Variants in IL1R1 observed in about 807,000 individuals in gnomAD.
IL1R1 encodes the protein interleukin 1 receptor type 1.
In IL1R1, 22 loss-of-function variants were observed where a neutral mutation model predicts 50.2. The observed-to-expected ratio is 0.44, with a 90% CI of 0.31 to 0.63. The LOEUF (loss-of-function observed/expected upper bound fraction) is 0.63. IL1R1 is among the 20% of genes least tolerant of loss of function. IL1R1 has a pLI of 0.07. For synonymous variants in IL1R1, 251 were observed against 236.7 expected, an observed-to-expected ratio of 1.06 and a Z score of -0.55; for missense variants, 509 against 676.2, an observed-to-expected ratio of 0.75 and a Z score of 2.74.
chr2:102,120,794 G>A (rs6736803), intron 1 of IL1R1, among the ~76,000 whole-genome samples: 60,223 of 152,050 alleles, frequency 0.4, 12,706 homozygotes, highest in East Asian at 0.46. Context: ...GGATTTGTTG[G>A]ATTTGTTCCT....
At chr2:102,168,134 T>C (rs1228929581) in intron 6 of IL1R1, among the ~76,000 whole-genome samples, 1 of 152,236 alleles carries the variant, frequency 6.6e-6, no homozygotes, top group Non-Finnish European at 1.5e-5. Context: ...TTTTTGCCTA[T>C]TTTAATAAAT....
At position 102,150,789 on chromosome 2, in the gene IL1R1, C is replaced by T. The variant is rs373971896; in HGVS notation, c.-83-3152C>T. Among the ~76,000 whole-genome samples, 8 of 152,260 alleles carry T rather than the reference C, an allele frequency of 5.3e-5. No homozygotes were observed. The South Asian group carries it at 6.2e-4, about 12-fold the overall frequency. ...TGGACATCAGCATCTCAGCACTGCC[C>T]GCTGTCTTTCCTGGAAGCTGCTATG... On this transcript the variant is annotated intron_variant, in intron 1 of 11. Transcript: ENST00000410023.
At chr2:102,173,439 A>T (rs374924779) in intron 9 of IL1R1, among the ~76,000 whole-genome samples, 1 of 152,220 alleles carries the variant, frequency 6.6e-6, no homozygotes, top group Non-Finnish European at 1.5e-5. Flanking sequence ...ATTAACTTCT[A>T]TGTATGTTTA....
chr2:102,092,619 CG>C lies in IL1R1; in HGVS notation c.-84+22087del, dbSNP rs1211478851. 3.3e-5 allele frequency among the ~76,000 whole-genome samples: 5 copies of C among 152,112 alleles called. No individual in the cohort carries two copies. The South Asian group carries it at 8.3e-4, about 25-fold the overall frequency. On this transcript the variant is annotated intron_variant, in intron 1 of 11. Transcript: ENST00000409929. Reference sequence around the variant, plus strand: ...AAATAACACTCGGGCCTGTTCTAAACGTAACATTGAAAATTTTGCACGCCTC... The same window carrying C: ...AAATAACACTCGGGCCTGTTCTAAACTAACATTGAAAATTTTGCACGCCTC...
At chr2:102,092,735 A>G (rs1278848377) in intron 1 of IL1R1, among the ~76,000 whole-genome samples, 1 of 152,192 alleles carries the variant, frequency 6.6e-6, no homozygotes, top group East Asian at 1.9e-4. Flanking sequence ...TCTGGAATTT[A>G]CTGGCAAAAC....
intron 7 of IL1R1, among the ~76,000 whole-genome samples, chr2:102,169,451 T>A (rs1266474892): frequency 6.6e-6 from 1 of 152,226 alleles, no homozygotes; most frequent in Non-Finnish European, 1.5e-5. Context: ...AATAGCCACA[T>A]GTGACAAGTG....
At chr2:102,110,317 C>T (rs958683492) in intron 1 of IL1R1, among the ~76,000 whole-genome samples, 1 of 152,104 alleles carries the variant, frequency 6.6e-6, no homozygotes, top group Non-Finnish European at 1.5e-5. Flanking sequence ...GCAGCCTGCC[C>T]TCGTAATTTT....
At chr2:102,158,127 C>A (rs1403015417) in intron 3 of IL1R1, among the ~76,000 whole-genome samples, 2 of 152,190 alleles carry the variant, frequency 1.3e-5, no homozygotes, top group Admixed American at 1.3e-4. Context: ...TTCTGACTTT[C>A]ATTTGGAGGA....
chr2:102,083,259 G>A (rs1347030639), intron 1 of IL1R1, among the ~76,000 whole-genome samples: 1 of 152,100 alleles, frequency 6.6e-6, no homozygotes, highest in East Asian at 1.9e-4. Flanking sequence ...GTGGGTGTTT[G>A]GAAAAAAATG....
At chr2:102,127,219 C>T (rs980423555) in intron 1 of IL1R1, among the ~76,000 whole-genome samples, 1 of 152,190 alleles carries the variant, frequency 6.6e-6, no homozygotes, top group Admixed American at 6.5e-5. Flanking sequence ...CAGAAGGATC[C>T]AGGACAGGTT....
At chr2:102,162,481 C>T (rs1483850729) in intron 3 of IL1R1, among the ~76,000 whole-genome samples, 1 of 151,616 alleles carries the variant, frequency 6.6e-6, no homozygotes, top group Non-Finnish European at 1.5e-5. Flanking sequence ...TTATTTTTTT[C>T]TCTTTTTTTG....
chr2:102,081,846 C>T lies in IL1R1; in HGVS notation c.-84+11313C>T, dbSNP rs568699500. On this transcript the variant is annotated intron_variant, in intron 1 of 11. Transcript: ENST00000409929. Reference sequence around the variant, plus strand: ...CGTTGGTGGCTGTGAGATGAACTACCCAGTCATCAGTCATCATTATCAATG... The same window carrying T: ...CGTTGGTGGCTGTGAGATGAACTACTCAGTCATCAGTCATCATTATCAATG... Among the ~76,000 whole-genome samples the T allele has an allele frequency of 2.0e-5, 3 of 152,298 alleles. No homozygotes were observed. The East Asian group carries it at 5.8e-4, about 29-fold the overall frequency.
chr2:102,126,723 A>G (rs1399700100), intron 1 of IL1R1, among the ~76,000 whole-genome samples: 2 of 152,098 alleles, frequency 1.3e-5, no homozygotes, highest in African/African-American at 4.8e-5. Flanking sequence ...TTGTATTTAA[A>G]ACTCACTTAG....
At chr2:102,099,996 C>T (rs1316627764), upstream of IL1R1, among the ~76,000 whole-genome samples, 1 of 152,152 alleles carries the variant, frequency 6.6e-6, no homozygotes, top group African/African-American at 2.4e-5. Context: ...AGCTTGCCTG[C>T]TCTGCCCTTC....
intron 1 of IL1R1, among the ~76,000 whole-genome samples, chr2:102,071,589 C>T (rs1338960662): frequency 6.6e-6 from 1 of 152,178 alleles, no homozygotes; most frequent in Non-Finnish European, 1.5e-5. Flanking sequence ...TCTCATGTAA[C>T]TGAAGTTCAA....
intron 1 of IL1R1, among the ~76,000 whole-genome samples, chr2:102,128,115 C>T (rs988855359): frequency 6.6e-6 from 1 of 152,034 alleles, no homozygotes; most frequent in African/African-American, 2.4e-5. Flanking sequence ...TGTCGAAATA[C>T]CCTCCTTTTT....
chr2:102,124,272 A>G (rs997255570), intron 1 of IL1R1, among the ~76,000 whole-genome samples: 8 of 151,946 alleles, frequency 5.3e-5, no homozygotes, highest in Middle Eastern at 3.4e-3. Flanking sequence ...AAATAGAAAA[A>G]TTAGCCAAGC....
intron 1 of IL1R1, among the ~76,000 whole-genome samples, chr2:102,093,316 T>C (rs1341340077): frequency 6.6e-6 from 1 of 152,188 alleles, no homozygotes; most frequent in Non-Finnish European, 1.5e-5. Context: ...GCAAAAGTCC[T>C]TTCCGGAAAA....
At chr2:102,110,463 C>A (rs891572941) in intron 1 of IL1R1, among the ~76,000 whole-genome samples, 3 of 116,044 alleles carry the variant, frequency 2.6e-5, no homozygotes, top group African/African-American at 6.7e-5. Context: ...CCAATTAACA[C>A]CCCTACCAGG....
Sources: allele counts gnomAD v4.1 joint callset (sites outside exome capture counted in the v4.1 genomes callset), GRCh38; gene constraint gnomAD v4.1.1; transcripts MANE v1.5; gene names NCBI Gene and HGNC (gene_info 2026-07-23, HGNC 2026-07-21).